The following RBFOX1 variants were observed in gnomAD, a reference collection of about 807,000 sequenced individuals.
RBFOX1 encodes RNA binding protein fox-1 homolog 1.
In RBFOX1, 8 loss-of-function variants were observed where a neutral mutation model predicts 57.7. That is an observed-to-expected ratio of 0.14 (90% CI 0.08 to 0.25). RBFOX1 has a LOEUF of 0.25. RBFOX1 is among the 10% of genes least tolerant of loss of function. The pLI, the probability that RBFOX1 is intolerant of heterozygous loss-of-function variation, is 1.00. For missense variants in RBFOX1, 611 were observed against 548.5 expected (o/e 1.11, Z -1.14); for synonymous variants, 326 against 222.4 (o/e 1.47, Z -4.15).
chr16:5,785,545 G>C (rs2054471055), intron 3 of RBFOX1, among the ~76,000 whole-genome samples: 1 of 148,504 alleles, frequency 6.7e-6, no homozygotes, highest in Non-Finnish European at 1.5e-5. Flanking sequence ...TTCTTTTTTT[G>C]AGGCGGAGTT....
intron 1 of RBFOX1, among the ~76,000 whole-genome samples, chr16:6,255,681 C>A (rs1275909021): frequency 2.0e-5 from 3 of 151,892 alleles, no homozygotes; most frequent in Non-Finnish European, 4.4e-5. Flanking sequence ...GAAAATATGA[C>A]ATATATACAT....
chr16:7,039,498 A>T (rs945496424), intron 3 of RBFOX1, among the ~76,000 whole-genome samples: 1 of 152,212 alleles, frequency 6.6e-6, no homozygotes, highest in African/African-American at 2.4e-5. Flanking sequence ...GACTTGAGTC[A>T]TTGTTGTGAC....
chr16:7,118,048 G>T (rs1173229252), intron 4 of RBFOX1, among the ~76,000 whole-genome samples: 1 of 152,180 alleles, frequency 6.6e-6, no homozygotes, highest in Non-Finnish European at 1.5e-5. Context: ...GCACATGCAG[G>T]TGTGTTTTTT....
chr16:6,235,624 A>T (rs2097500318), intron 1 of RBFOX1, among the ~76,000 whole-genome samples: 1 of 151,804 alleles, frequency 6.6e-6, no homozygotes, highest in Non-Finnish European at 1.5e-5. Flanking sequence ...ATACATATAT[A>T]TATACTTACA....
At chr16:6,647,757 A>G (rs1041653800) in intron 2 of RBFOX1, among the ~76,000 whole-genome samples, 7 of 152,034 alleles carry the variant, frequency 4.6e-5, no homozygotes, top group African/African-American at 1.4e-4. Flanking sequence ...TTTTTTAAAG[A>G]TGGGATCTTG....
intron 3 of RBFOX1, among the ~76,000 whole-genome samples, chr16:5,847,393 A>T (rs2056784219): frequency 6.6e-6 from 1 of 151,876 alleles, no homozygotes; most frequent in South Asian, 2.1e-4. Flanking sequence ...CTTAAAATAG[A>T]TCCTGATTGC....
At chr16:5,556,069 A>G (rs549581349) in intron 2 of RBFOX1, among the ~76,000 whole-genome samples, 1 of 152,206 alleles carries the variant, frequency 6.6e-6, no homozygotes, top group East Asian at 1.9e-4. Context: ...ACACCAAAAA[A>G]CACCCTTTCC....
intron 3 of RBFOX1, among the ~76,000 whole-genome samples, chr16:7,017,599 G>A (rs908104721): frequency 6.6e-6 from 1 of 152,122 alleles, no homozygotes; most frequent in East Asian, 1.9e-4. Context: ...CATGAGGCTG[G>A]GGTCAAGGTA....
intron 5 of RBFOX1, among the ~76,000 whole-genome samples, chr16:7,523,125 A>G (rs2077887482): frequency 6.6e-6 from 1 of 152,302 alleles, no homozygotes; most frequent in African/African-American, 2.4e-5. Flanking sequence ...TTTACTCAGT[A>G]TCATTATTTT....
At chr16:7,278,273 C>G (rs972544055) in intron 4 of RBFOX1, among the ~76,000 whole-genome samples, 3 of 152,090 alleles carry the variant, frequency 2.0e-5, no homozygotes, top group Non-Finnish European at 2.9e-5. Flanking sequence ...GCAAGTATAC[C>G]AGCTAATTAG....
intron 3 of RBFOX1, among the ~76,000 whole-genome samples, chr16:7,028,841 A>T (rs913478413): frequency 1.3e-5 from 2 of 150,934 alleles, no homozygotes; most frequent in Non-Finnish European, 2.9e-5. Flanking sequence ...AGCTTATGAG[A>T]AAAGGTGTGG....
chr16:6,212,495 C>A (rs796732513), intron 1 of RBFOX1, among the ~76,000 whole-genome samples: 14 of 152,226 alleles, frequency 9.2e-5, no homozygotes, highest in African/African-American at 3.4e-4. Flanking sequence ...CACTTGAGGT[C>A]AGGAGATCAA....
chr16:6,818,043 T>G (rs1278273416), intron 3 of RBFOX1, among the ~76,000 whole-genome samples: 1 of 152,182 alleles, frequency 6.6e-6, no homozygotes, highest in Non-Finnish European at 1.5e-5. Flanking sequence ...TGCTCTCCTA[T>G]ATCTCACATG....
chr16:6,625,646 C>T (rs578026058), intron 2 of RBFOX1, among the ~76,000 whole-genome samples: 6 of 152,182 alleles, frequency 3.9e-5, no homozygotes, highest in East Asian at 1.9e-4. Flanking sequence ...AGTTCCCCAC[C>T]GCCCCCGCCC....
At chr16:6,531,645 G>T (rs1030888599) in intron 2 of RBFOX1, among the ~76,000 whole-genome samples, 1 of 152,108 alleles carries the variant, frequency 6.6e-6, no homozygotes, top group Admixed American at 6.5e-5. Context: ...CCCATTCTCG[G>T]AGCATATGTT....
At chr16:7,069,604 G>C (rs545754699) in intron 4 of RBFOX1, among the ~76,000 whole-genome samples, 2 of 152,268 alleles carry the variant, frequency 1.3e-5, no homozygotes, top group East Asian at 3.9e-4. Flanking sequence ...GCCTGGGTAA[G>C]CAAGAAGCAT....
chr16:5,734,466 C>T (rs906958336), intron 3 of RBFOX1, among the ~76,000 whole-genome samples: 7 of 152,296 alleles, frequency 4.6e-5, no homozygotes, highest in Admixed American at 1.3e-4. Context: ...ACAGCACATG[C>T]TTTCATGCTT....
chr16:6,144,503 C>G (rs17139465), intron 1 of RBFOX1, among the ~76,000 whole-genome samples: 1 of 152,136 alleles, frequency 6.6e-6, no homozygotes, highest in Admixed American at 6.5e-5. Context: ...TGCACAAGAT[C>G]GGAATAGCAT....
chr16:5,579,295 G>A (rs866479164), intron 2 of RBFOX1, among the ~76,000 whole-genome samples: 12 of 151,942 alleles, frequency 7.9e-5, no homozygotes, highest in African/African-American at 2.4e-4. Context: ...CTTGCCTCCC[G>A]TCCGTCACTC....
Sources: allele counts gnomAD v4.1 joint callset (sites outside exome capture counted in the v4.1 genomes callset), GRCh38; gene constraint gnomAD v4.1.1; transcripts MANE v1.5; gene names NCBI Gene and HGNC (gene_info 2026-07-23, HGNC 2026-07-21).